SNTG1: variants seen among roughly 807,000 people sequenced by gnomAD.
SNTG1 encodes gamma-1-syntrophin.
Under a neutral mutation model 74.7 loss-of-function variants are expected in SNTG1, and 39 were observed. That is an observed-to-expected ratio of 0.52 (90% CI 0.40 to 0.68). The LOEUF is 0.68. Among genes scored for constraint, SNTG1 ranks in the 30% least tolerant of loss-of-function variants. SNTG1 has a pLI of 0.00. For missense variants in SNTG1, 685 were observed against 609.5 expected (o/e 1.12, Z -1.30); for synonymous variants, 254 against 217.1 (o/e 1.17, Z -1.49).
At chr8:50,132,010 GT>G (rs1175105832) in intron 1 of SNTG1, among the ~76,000 whole-genome samples, 1 of 151,950 alleles carries the variant, frequency 6.6e-6, no homozygotes, top group East Asian at 1.9e-4. Flanking sequence ...TTATTTCTGG[GT>G]TTTCTATTTC....
intron 1 of SNTG1, among the ~76,000 whole-genome samples, chr8:50,072,749 C>A (rs1232073428): frequency 2.6e-5 from 4 of 152,116 alleles, no homozygotes; most frequent in Non-Finnish European, 4.4e-5. Flanking sequence ...TCAGGGATAT[C>A]ATGGGTTCAG....
Position 50,046,570 on chromosome 8 carries a change from A to G in SNTG1, c.-102-125991A>G, listed in dbSNP as rs564986873. ...TCAAGAATCATAACCACCCCATTCT[A>G]GCGTGAATTTATATTACCAAGACTT... On this transcript the variant is annotated intron_variant, in intron 1 of 18. Coordinates refer to ENST00000642720, the MANE Select transcript of SNTG1 (RefSeq NM_018967.5). 2.6e-5 allele frequency among the ~76,000 whole-genome samples: 4 copies of G among 152,336 alleles called. No homozygotes were observed. The East Asian group carries it at 7.7e-4, about 29-fold the overall frequency.
chr8:50,691,490 T>C (rs1423148807), intron 15 of SNTG1, among the ~76,000 whole-genome samples: 2 of 152,216 alleles, frequency 1.3e-5, no homozygotes, highest in Non-Finnish European at 2.9e-5. Context: ...AAGTATTTTA[T>C]TTATCCTTCA....
intron 2 of SNTG1, among the ~76,000 whole-genome samples, chr8:50,301,859 T>C (rs1190829066): frequency 1.9e-5 from 2 of 107,506 alleles, no homozygotes; most frequent in Non-Finnish European, 4.3e-5. Context: ...GTTTTTGTTT[T>C]TTGTTTTTTT....
At chr8:50,774,946 G>T (rs1363049460) in intron 18 of SNTG1, among the ~76,000 whole-genome samples, 1 of 150,202 alleles carries the variant, frequency 6.7e-6, no homozygotes, top group African/African-American at 2.4e-5. Flanking sequence ...GATAAAAATG[G>T]GAGAATTAAA....
In SNTG1 at chr8:50,233,253, C is replaced by T. The variant is rs550198517; in HGVS notation, c.-28+60618C>T. ...GGAAGAGATGGCCCTAAAATAGTCA[C>T]ATACAAAAATGACCAAGTGATTTTT... On this transcript the variant is annotated intron_variant, in intron 2 of 18. Transcript: ENST00000642720. Among the ~76,000 whole-genome samples, 70 of 151,642 alleles carry T rather than the reference C, an allele frequency of 4.6e-4. 1 individual carries two copies. Among genetic ancestry groups the T allele is most frequent in the African/African-American group, 1.6e-3 (68 of 41,482 alleles).
intron 1 of SNTG1, among the ~76,000 whole-genome samples, chr8:50,116,843 T>C (rs2080841003): frequency 6.6e-6 from 1 of 152,116 alleles, no homozygotes; most frequent in South Asian, 2.1e-4. Context: ...ACTCTGCAAA[T>C]TTACTTATGA....
chr8:50,296,850 TTAC>T (rs1330306035), intron 2 of SNTG1, among the ~76,000 whole-genome samples: 1 of 152,166 alleles, frequency 6.6e-6, no homozygotes, highest in African/African-American at 2.4e-5. Context: ...TCCATGGGCA[TTAC>T]ATCACATTTG....
chr8:50,162,641 G>T (rs796252737), intron 1 of SNTG1, among the ~76,000 whole-genome samples: 1 of 151,608 alleles, frequency 6.6e-6, no homozygotes, highest in Non-Finnish European at 1.5e-5. Flanking sequence ...GCTTCCCTTC[G>T]TTAGCCCGCT....
In SNTG1 at chr8:49,952,015, A is replaced by G. The variant is rs577600848; in HGVS notation, c.-103+39784A>G. ...CTCTTTTGTTTGTTGTTATGAGCATAGTTGGAACTGGATTGATCTCAAGAA... is the reference window on the plus strand; with the variant it reads ...CTCTTTTGTTTGTTGTTATGAGCATGGTTGGAACTGGATTGATCTCAAGAA... On this transcript the variant is annotated intron_variant, in intron 1 of 18. Transcript: ENST00000642720. 5.2e-4 allele frequency among the ~76,000 whole-genome samples: 79 copies of G among 151,746 alleles called. 1 individual carries two copies. The South Asian group carries it at 8.8e-3, about 17-fold the overall frequency.
intron 8 of SNTG1, among the ~76,000 whole-genome samples, chr8:50,462,631 T>C (rs747174843): frequency 2.0e-4 from 30 of 152,194 alleles, no homozygotes; most frequent in Admixed American, 1.7e-3. Flanking sequence ...TACATAATAT[T>C]CTAAATTCTT....
chr8:50,779,877 A>G (rs986848636), intron 18 of SNTG1, among the ~76,000 whole-genome samples: 3 of 151,094 alleles, frequency 2.0e-5, no homozygotes, highest in African/African-American at 7.3e-5. Flanking sequence ...GATATGTCCC[A>G]TCAATACCTA....
At chr8:50,725,297 C>G (rs911886522) in intron 17 of SNTG1, among the ~76,000 whole-genome samples, 1 of 152,116 alleles carries the variant, frequency 6.6e-6, no homozygotes, top group East Asian at 1.9e-4. Flanking sequence ...CATTAAACAA[C>G]ATTTTGTGCA....
At chr8:50,705,584 G>C (rs1460401580) in intron 16 of SNTG1, among the ~76,000 whole-genome samples, 1 of 151,296 alleles carries the variant, frequency 6.6e-6, no homozygotes, top group Admixed American at 6.6e-5. Context: ...TTTAAGGATT[G>C]CACACACTCA....
intron 10 of SNTG1, among the ~76,000 whole-genome samples, chr8:50,535,814 C>T (rs1000733592): frequency 6.6e-6 from 1 of 152,098 alleles, no homozygotes; most frequent in African/African-American, 2.4e-5. Flanking sequence ...GAATCTTCTT[C>T]CAACACTATC....
chr8:50,006,715 C>A (rs1234154723), intron 1 of SNTG1, among the ~76,000 whole-genome samples: 1 of 152,142 alleles, frequency 6.6e-6, no homozygotes, highest in African/African-American at 2.4e-5. Context: ...CCTACTGATG[C>A]TGCTTTGGGT....
At chr8:50,691,869 G>A (rs1336925082) in intron 15 of SNTG1, among the ~76,000 whole-genome samples, 1 of 152,136 alleles carries the variant, frequency 6.6e-6, no homozygotes, top group East Asian at 1.9e-4. Context: ...CATTCTCCCT[G>A]TCACTTTCAG....
At chr8:50,015,754 A>G (rs188031230) in intron 1 of SNTG1, among the ~76,000 whole-genome samples, 1 of 152,300 alleles carries the variant, frequency 6.6e-6, no homozygotes, top group Admixed American at 6.5e-5. Flanking sequence ...GCCAATGACA[A>G]GTCAGTTTGT....
intron 18 of SNTG1, among the ~76,000 whole-genome samples, chr8:50,775,949 CA>C (rs35065444): frequency 0.44 from 65,689 of 150,838 alleles, 16,517 homozygotes; most frequent in African/African-American, 0.7. Flanking sequence ...TTTCTTCATC[CA>C]AAAAAATCAT....
Sources: allele counts gnomAD v4.1 joint callset (sites outside exome capture counted in the v4.1 genomes callset), GRCh38; gene constraint gnomAD v4.1.1; transcripts MANE v1.5; gene names NCBI Gene and HGNC (gene_info 2026-07-23, HGNC 2026-07-21).